The following KLF12 variants were observed in gnomAD, a reference collection of about 807,000 sequenced individuals.
KLF12 encodes the protein KLF transcription factor 12.
In KLF12, 9 loss-of-function variants were observed where a neutral mutation model predicts 37.8. The observed-to-expected ratio is 0.24, with a 90% CI of 0.14 to 0.42. The LOEUF is 0.42. Among genes scored for constraint, KLF12 ranks in the 10% least tolerant of loss-of-function variants. The pLI, the probability that KLF12 is intolerant of heterozygous loss-of-function variation, is 1.00. For synonymous variants in KLF12, 208 were observed against 202.1 expected, an observed-to-expected ratio of 1.03 and a Z score of -0.25; for missense variants, 411 against 516.0, an observed-to-expected ratio of 0.80 and a Z score of 1.97.
At chr13:74,123,990 G>A (rs1859417180) in intron 1 of KLF12, among the ~76,000 whole-genome samples, 1 of 151,976 alleles carries the variant, frequency 6.6e-6, no homozygotes, top group Admixed American at 6.6e-5. Context: ...AAACCACCAG[G>A]CACAAAGCAA....
chr13:73,999,291 C>T (rs1892206387), intron 1 of KLF12, among the ~76,000 whole-genome samples: 1 of 152,068 alleles, frequency 6.6e-6, no homozygotes, highest in African/African-American at 2.4e-5. Flanking sequence ...TATAAGTATC[C>T]AATGCTCACT....
chr13:73,853,688 G>A lies in KLF12; in HGVS notation c.124-7315C>T, dbSNP rs868508361. Among the ~76,000 whole-genome samples, 6 of 151,200 alleles carry A rather than the reference G, an allele frequency of 4.0e-5. No individual in the cohort carries two copies. The Middle Eastern group carries it at 0.01, about 257-fold the overall frequency. On this transcript the variant is annotated intron_variant, in intron 3 of 7. Coordinates refer to ENST00000377669, the MANE Select transcript of KLF12 (RefSeq NM_007249.5). ...TGGGAGGTGAAGGTTGCAGTGAGCTGAGATTGCGCCACTGCACTCCAGCCT... is the reference window on the plus strand; with the variant it reads ...TGGGAGGTGAAGGTTGCAGTGAGCTAAGATTGCGCCACTGCACTCCAGCCT...
At chr13:73,780,471 GT>G (rs58306980) in intron 5 of KLF12, among the ~76,000 whole-genome samples, 82,857 of 145,306 alleles carry the variant, frequency 0.57, 23,217 homozygotes, top group African/African-American at 0.65. Context: ...CCAAGGAATG[GT>G]TTTTTTTTTT....
chr13:73,848,604 G>T (rs989846276), intron 3 of KLF12, among the ~76,000 whole-genome samples: 6 of 147,538 alleles, frequency 4.1e-5, no homozygotes, highest in African/African-American at 7.4e-5. Flanking sequence ...AATACATATA[G>T]CATATATAAT....
chr13:73,858,761 C>T (rs895868929), intron 3 of KLF12, among the ~76,000 whole-genome samples: 1 of 151,994 alleles, frequency 6.6e-6, no homozygotes, highest in African/African-American at 2.4e-5. Context: ...ATTTGGAAAA[C>T]ATGAAAAGGA....
chr13:73,972,085 G>T (rs1570745), intron 2 of KLF12, among the ~76,000 whole-genome samples: 64,198 of 151,992 alleles, frequency 0.42, 16,334 homozygotes, highest in East Asian at 0.58. Flanking sequence ...TGTAACAAAT[G>T]CTAAAGACAA....
intron 5 of KLF12, among the ~76,000 whole-genome samples, chr13:73,779,179 A>C (rs1054151717): frequency 6.6e-6 from 1 of 152,066 alleles, no homozygotes; most frequent in African/African-American, 2.4e-5. Flanking sequence ...ATCTTTTTTT[A>C]TTCATAATAA....
chr13:73,791,395 CTT>C (rs1013026673), intron 5 of KLF12, among the ~76,000 whole-genome samples: 1 of 151,408 alleles, frequency 6.6e-6, no homozygotes, highest in Non-Finnish European at 1.5e-5. Flanking sequence ...AACTGTCATT[CTT>C]TTTTTTTCCT....
chr13:74,261,839 C>G, the KLF12 span, among the ~76,000 whole-genome samples: 1 of 152,274 alleles, frequency 6.6e-6, no homozygotes, highest in African/African-American at 2.4e-5. Context: ...TGTGGTAGTA[C>G]ACTGGTAAAC....
At chr13:73,985,477 C>A (rs1378140809) in intron 2 of KLF12, among the ~76,000 whole-genome samples, 1 of 152,194 alleles carries the variant, frequency 6.6e-6, no homozygotes. Context: ...AGGCCGACAA[C>A]CAGTGATTAT....
intron 1 of KLF12, among the ~76,000 whole-genome samples, chr13:74,060,208 GCT>G (rs2138643056): frequency 6.6e-6 from 1 of 152,012 alleles, no homozygotes; most frequent in Admixed American, 6.5e-5. Context: ...CTCTAGCTTT[GCT>G]CTTTTTGGTT....
chr13:73,910,377 G>T (rs937935207), intron 3 of KLF12, among the ~76,000 whole-genome samples: 1 of 151,922 alleles, frequency 6.6e-6, no homozygotes, highest in African/African-American at 2.4e-5. Context: ...AAATATATTT[G>T]GCAAAATTTT....
intron 5 of KLF12, among the ~76,000 whole-genome samples, chr13:73,774,515 T>G (rs1045464339): frequency 6.6e-6 from 1 of 152,068 alleles, no homozygotes; most frequent in Admixed American, 6.6e-5. Flanking sequence ...CAGAAATTAG[T>G]GGACACAGTG....
At chr13:73,751,876 G>A (rs1878784477) in intron 6 of KLF12, among the ~76,000 whole-genome samples, 2 of 152,212 alleles carry the variant, frequency 1.3e-5, no homozygotes, top group African/African-American at 2.4e-5. Flanking sequence ...CTGACAGCAT[G>A]TGCACGTGGG....
chr13:73,835,883 T>A (rs895283150), intron 4 of KLF12, among the ~76,000 whole-genome samples: 1 of 152,160 alleles, frequency 6.6e-6, no homozygotes, highest in Non-Finnish European at 1.5e-5. Context: ...CAACCAGAAA[T>A]GACCCCCAGT....
chr13:74,168,165 G>T, the KLF12 span, among the ~76,000 whole-genome samples: 1 of 152,222 alleles, frequency 6.6e-6, no homozygotes, highest in Admixed American at 6.5e-5. Flanking sequence ...ACCCATCAAG[G>T]CTTTGAAACG....
Position 73,742,076 on chromosome 13 carries a change from C to G in KLF12, c.869+22862G>C, listed in dbSNP as rs528160861. ...TTTTAAGCCCAACCTGCTGAGGAGT[C>G]TCTTGTTTTATGGTTGTTGAGCAGA... On this transcript the variant is annotated intron_variant, in intron 6 of 7. Transcript: ENST00000377669. 2.0e-5 allele frequency among the ~76,000 whole-genome samples: 3 copies of G among 152,122 alleles called. No individual in the cohort carries two copies. The East Asian group carries it at 5.8e-4, about 29-fold the overall frequency.
chr13:73,792,027 A>G (rs1220954347), intron 5 of KLF12, among the ~76,000 whole-genome samples: 1 of 152,228 alleles, frequency 6.6e-6, no homozygotes, highest in Non-Finnish European at 1.5e-5. Flanking sequence ...TCCTATGTTT[A>G]TATACATAGT....
intron 1 of KLF12, among the ~76,000 whole-genome samples, chr13:74,096,979 T>C (rs1299085069): frequency 6.6e-6 from 1 of 152,176 alleles, no homozygotes; most frequent in Non-Finnish European, 1.5e-5. Flanking sequence ...ACTTCCAAGT[T>C]CAAATTCCAA....
Sources: gnomAD v4.1 joint callset for allele counts (sites outside exome capture counted in the v4.1 genomes callset) on GRCh38, gnomAD v4.1.1 for gene constraint, MANE v1.5 for transcripts, NCBI Gene and HGNC (gene_info 2026-07-23, HGNC 2026-07-21) for gene names.